The following ATRNL1 variants were observed in gnomAD, a reference collection of about 807,000 sequenced individuals.
The protein encoded by ATRNL1 is attractin-like protein 1.
ATRNL1 carries 95 observed loss-of-function variants against 182.7 expected under a neutral mutation model. That is an observed-to-expected ratio of 0.52 (90% CI 0.44 to 0.62). The LOEUF (loss-of-function observed/expected upper bound fraction) is 0.62, where lower values mean the gene tolerates loss of function less well. ATRNL1 is among the 20% of genes least tolerant of loss of function. The pLI, the probability that ATRNL1 is intolerant of heterozygous loss-of-function variation, is 0.00. For synonymous variants in ATRNL1, 576 were observed against 568.3 expected (o/e 1.01, Z -0.19); for missense variants, 1,471 against 1,679.5 (o/e 0.88, Z 2.17).
chr10:115,356,597 G>A (rs1856514017), intron 19 of ATRNL1, among the ~76,000 whole-genome samples: 3 of 151,838 alleles, frequency 2.0e-5, no homozygotes, highest in African/African-American at 7.3e-5. Flanking sequence ...ACTTATTTCT[G>A]TTAGATGCTT....
At chr10:115,236,084 G>T (rs1009070633) in intron 9 of ATRNL1, among the ~76,000 whole-genome samples, 1 of 151,944 alleles carries the variant, frequency 6.6e-6, no homozygotes, top group Non-Finnish European at 1.5e-5. Flanking sequence ...TTTCAATCAG[G>T]TGTCTGTATT....
At chr10:115,775,815 G>A (rs998093646) in intron 27 of ATRNL1, among the ~76,000 whole-genome samples, 18 of 151,858 alleles carry the variant, frequency 1.2e-4, no homozygotes, top group Admixed American at 2.6e-4. Flanking sequence ...AAAATTAGCC[G>A]GGCATGGTGG....
At position 115,860,539 on chromosome 10, in the gene ATRNL1, AT is replaced by A. The variant is rs539052367; in HGVS notation, c.4018+12549del. On this transcript the variant is annotated intron_variant, in intron 28 of 28. Coordinates refer to ENST00000355044, the MANE Select transcript of ATRNL1 (RefSeq NM_207303.4). ...ACATAAAATAGATACATAAAAAAAAATGTATAAATGGGATAATTTGGTATTA... is the reference window on the plus strand; with the variant it reads ...ACATAAAATAGATACATAAAAAAAAAGTATAAATGGGATAATTTGGTATTA... Among the ~76,000 whole-genome samples the A allele has an allele frequency of 1.1e-3, 170 of 152,206 alleles. 1 individual carries two copies. Among genetic ancestry groups the A allele is most frequent in the African/African-American group, 3.5e-3 (147 of 41,460 alleles).
chr10:115,557,167 T>C (rs797028522), intron 26 of ATRNL1, among the ~76,000 whole-genome samples: 31 of 152,126 alleles, frequency 2.0e-4, no homozygotes, highest in African/African-American at 7.0e-4. Flanking sequence ...CCAAGTAAAA[T>C]TGGTTTATGG....
intron 27 of ATRNL1, among the ~76,000 whole-genome samples, chr10:115,744,299 T>G (rs946017676): frequency 6.6e-6 from 1 of 152,150 alleles, no homozygotes; most frequent in Non-Finnish European, 1.5e-5. Context: ...AGCAAAATAA[T>G]GTACAGTGCT....
chr10:115,144,162 T>A (rs551091919), intron 5 of ATRNL1, among the ~76,000 whole-genome samples: 1 of 151,840 alleles, frequency 6.6e-6, no homozygotes, highest in Non-Finnish European at 1.5e-5. Flanking sequence ...GTATTTTTTT[T>A]TTTGAGACGG....
At chr10:115,109,826 G>T (rs930382703) in intron 1 of ATRNL1, among the ~76,000 whole-genome samples, 1 of 152,118 alleles carries the variant, frequency 6.6e-6, no homozygotes, top group African/African-American at 2.4e-5. Context: ...GCTTTACTGA[G>T]TTACAATTTG....
intron 28 of ATRNL1, among the ~76,000 whole-genome samples, chr10:115,917,249 G>A (rs1952888738): frequency 1.3e-5 from 2 of 152,002 alleles, no homozygotes; most frequent in South Asian, 4.2e-4. Flanking sequence ...GGTGGATCAC[G>A]AGGTCAGGAG....
intron 26 of ATRNL1, among the ~76,000 whole-genome samples, chr10:115,683,594 T>C (rs576231076): frequency 6.8e-6 from 1 of 147,754 alleles, no homozygotes; most frequent in South Asian, 2.2e-4. Context: ...CACCTTTTGA[T>C]ATTAACCTCA....
At chr10:115,176,128 A>C (rs12248612) in intron 8 of ATRNL1, among the ~76,000 whole-genome samples, 3,781 of 152,202 alleles carry the variant, frequency 0.025, 157 homozygotes, top group African/African-American at 0.086. Flanking sequence ...GTGTCTGTTC[A>C]TATCCTTCAC....
At chr10:115,126,693 T>G (rs1844989005) in intron 3 of ATRNL1, among the ~76,000 whole-genome samples, 1 of 152,230 alleles carries the variant, frequency 6.6e-6, no homozygotes. Context: ...AAATATGATT[T>G]GAATGGGGGA....
chr10:115,222,473 C>G lies in ATRNL1; in HGVS notation c.1532+6593C>G, dbSNP rs367659969. Among the ~76,000 whole-genome samples, 126 of 152,106 alleles carry G rather than the reference C, an allele frequency of 8.3e-4. 1 individual carries two copies. Among genetic ancestry groups the G allele is most frequent in the South Asian group, 5.6e-3 (27 of 4,806 alleles). ...CAGATTAAAGAAGTTCTGTGAGCAC[C>G]AAGGGGCATAAGTACAAAGAAACTC... is the stretch of plus-strand genomic sequence containing the variant. On this transcript the variant is annotated intron_variant, in intron 9 of 28. Transcript: ENST00000355044.
At chr10:115,184,352 A>G (rs1847858361) in intron 8 of ATRNL1, among the ~76,000 whole-genome samples, 1 of 150,236 alleles carries the variant, frequency 6.7e-6, no homozygotes, top group South Asian at 2.1e-4. Flanking sequence ...GTGCAAGATT[A>G]TATATATATA....
At chr10:115,405,343 T>C (rs1380803194) in intron 20 of ATRNL1, among the ~76,000 whole-genome samples, 1 of 152,244 alleles carries the variant, frequency 6.6e-6, no homozygotes, top group Admixed American at 6.5e-5. Context: ...TAGGATGAAC[T>C]ACTGCTATAC....
chr10:115,646,312 A>G (rs1280201144), intron 26 of ATRNL1, among the ~76,000 whole-genome samples: 2 of 152,156 alleles, frequency 1.3e-5, no homozygotes, highest in Non-Finnish European at 2.9e-5. Flanking sequence ...TAGTAATACT[A>G]ATTATAATAA....
intron 26 of ATRNL1, among the ~76,000 whole-genome samples, chr10:115,560,161 G>T (rs1425061959): frequency 6.6e-6 from 1 of 152,024 alleles, no homozygotes; most frequent in African/African-American, 2.4e-5. Flanking sequence ...AAATACACAG[G>T]AACAAACTTA....
chr10:115,127,721 C>G lies in ATRNL1; in HGVS notation c.620C>G (p.Ser207Ter). Residue 207 changes from serine (S) to a stop codon, truncating the protein, a stop_gained and splice_region_variant, in exon 4 of 29, where the codon TCA becomes TGA. Coordinates refer to ENST00000355044, the MANE Select transcript of ATRNL1 (RefSeq NM_207303.4). LOFTEE classifies it high-confidence loss of function. The part of the protein sequence containing the change: ...YNLTGFNIFY[S>*]INSCPNNCSG... ...CTAACTGGTTTCAACATTTTCTATTCGTAAGTATTTTTTAAAAATTCCTTC... is the reference window on the plus strand; with the variant it reads ...CTAACTGGTTTCAACATTTTCTATTGGTAAGTATTTTTTAAAAATTCCTTC... 1 of 1,415,430 alleles carries G rather than the reference C, an allele frequency of 7.1e-7. No individual in the cohort carries two copies. Among genetic ancestry groups the G allele is most frequent in the Non-Finnish European group, 9.3e-7 (1 of 1,076,490 alleles). 87.7% of individuals were successfully genotyped at this position (1,415,430 alleles called of 1,614,324 possible). A position where few individuals can be genotyped will look rare whatever the true frequency, so the allele number is the denominator to read the frequency against.
rs782367763 is a variant in ATRNL1, at chr10:115,441,492, CTG to C, written c.3322+15192_3322+15193del. On this transcript the variant is annotated intron_variant, in intron 21 of 28. Transcript: ENST00000355044. ...ATCATACTTTCCAATTTTTCCTACT[CTG>C]TCACTGACTGCACCTTTTTAGTCTT... Among the ~76,000 whole-genome samples, 9 of 152,064 alleles carry C rather than the reference CTG, an allele frequency of 5.9e-5. No homozygotes were observed. The East Asian group carries it at 9.7e-4, about 16-fold the overall frequency.
chr10:115,648,454 C>T (rs971680409), intron 26 of ATRNL1, among the ~76,000 whole-genome samples: 1 of 152,172 alleles, frequency 6.6e-6, no homozygotes, highest in Non-Finnish European at 1.5e-5. Context: ...GAAAAAACTA[C>T]TTTAAAGTTC....
Sources: allele counts gnomAD v4.1 joint callset (sites outside exome capture counted in the v4.1 genomes callset), GRCh38; gene constraint gnomAD v4.1.1; transcripts MANE v1.5; gene names NCBI Gene and HGNC (gene_info 2026-07-23, HGNC 2026-07-21).